Variants in MSRA observed in about 807,000 individuals in gnomAD.
MSRA encodes the protein methionine sulfoxide reductase A, also known as mitochondrial peptide methionine sulfoxide reductase.
In MSRA, 54 loss-of-function variants were observed where a neutral mutation model predicts 31.3. That is an observed-to-expected ratio of 1.73 (90% confidence interval 1.39 to 2.17). MSRA has a LOEUF of 2.17. Among genes scored for constraint, MSRA ranks in the 30% most tolerant of loss-of-function variants. The pLI, the probability that MSRA is intolerant of heterozygous loss-of-function variation, is 0.00. For missense variants in MSRA, 507 were observed against 300.9 expected, an observed-to-expected ratio of 1.69 and a Z score of -5.07; for synonymous variants, 169 against 116.5, an observed-to-expected ratio of 1.45 and a Z score of -2.90.
intron 5 of MSRA, among the ~76,000 whole-genome samples, chr8:10,402,119 C>A (rs1021695658): frequency 6.6e-6 from 1 of 152,184 alleles, no homozygotes. Context: ...GCATTGGGTT[C>A]CCTTAGCTCT....
intron 1 of MSRA, among the ~76,000 whole-genome samples, chr8:10,119,946 C>T (rs920568213): frequency 1.3e-5 from 2 of 152,038 alleles, no homozygotes; most frequent in Non-Finnish European, 1.5e-5. Flanking sequence ...CATGCCTAGA[C>T]CCAAAAAGGG....
chr8:10,224,786 C>T (rs762344399), intron 2 of MSRA, among the ~76,000 whole-genome samples: 5 of 152,214 alleles, frequency 3.3e-5, no homozygotes, highest in Non-Finnish European at 5.9e-5. Context: ...GATTCCTGCA[C>T]TCCTTAGTCT....
chr8:10,076,457 G>A (rs1414098555), intron 1 of MSRA, among the ~76,000 whole-genome samples: 1 of 152,206 alleles, frequency 6.6e-6, no homozygotes, highest in East Asian at 1.9e-4. Flanking sequence ...TATGAAGCAG[G>A]AAGGTTGATT....
chr8:10,333,589 A>T (rs1802834999), intron 5 of MSRA, among the ~76,000 whole-genome samples: 1 of 152,196 alleles, frequency 6.6e-6, no homozygotes, highest in Non-Finnish European at 1.5e-5. Context: ...TAAACAGGAT[A>T]ATAGTGGCTA....
chr8:10,165,721 T>C (rs1805066971), intron 1 of MSRA, among the ~76,000 whole-genome samples: 1 of 152,216 alleles, frequency 6.6e-6, no homozygotes, highest in Non-Finnish European at 1.5e-5. Flanking sequence ...ACATTGTAGC[T>C]GGAATCTGAG....
rs75122176 is a variant in MSRA, at chr8:10,155,408, G to C, written c.143-52425G>C. On this transcript the variant is annotated intron_variant, in intron 1 of 5. Coordinates refer to ENST00000317173, the MANE Select transcript of MSRA (RefSeq NM_012331.5). ...CCACGCTCTCTCTCTCACTGTTGTG[G>C]TTGTATCAACTGAAGAGCCTAGAAG... 2.6e-3 allele frequency among the ~76,000 whole-genome samples: 394 copies of C among 152,258 alleles called. 1 individual carries two copies. The highest frequency in any genetic ancestry group is 9.0e-3 in the African/African-American group (374 of 41,556).
At chr8:10,174,086 G>C (rs1054600043) in intron 1 of MSRA, among the ~76,000 whole-genome samples, 5 of 152,208 alleles carry the variant, frequency 3.3e-5, no homozygotes, top group African/African-American at 9.6e-5. Flanking sequence ...GCAGAGGTTA[G>C]GGAATGTGCC....
chr8:10,175,351 G>A (rs556407455), intron 1 of MSRA, among the ~76,000 whole-genome samples: 4 of 152,210 alleles, frequency 2.6e-5, no homozygotes, highest in South Asian at 2.1e-4. Context: ...TCTTATCTCC[G>A]CAATTGGAAC....
intron 5 of MSRA, among the ~76,000 whole-genome samples, chr8:10,344,497 C>T (rs1376557212): frequency 6.9e-6 from 1 of 144,748 alleles, no homozygotes; most frequent in Non-Finnish European, 1.5e-5. Flanking sequence ...TCGCTTGAAC[C>T]TGGGAGGCGG....
intron 1 of MSRA, among the ~76,000 whole-genome samples, chr8:10,108,580 T>C (rs1158490513): frequency 6.6e-6 from 1 of 152,212 alleles, no homozygotes; most frequent in Non-Finnish European, 1.5e-5. Context: ...TGTCATATTA[T>C]TCATGCCCTC....
intron 1 of MSRA, among the ~76,000 whole-genome samples, chr8:10,139,564 C>G (rs531575951): frequency 1.3e-5 from 2 of 152,306 alleles, no homozygotes; most frequent in South Asian, 4.1e-4. Flanking sequence ...TTTACACTCT[C>G]TATGTCCATG....
chr8:10,054,522 C>G lies in MSRA; in HGVS notation c.6C>G (p.Leu2=), dbSNP rs992588425. 3 of 1,582,388 alleles carry G rather than the reference C, an allele frequency of 1.9e-6. No individual in the cohort carries two copies. In the African/African-American group the frequency reaches 4.2e-5, roughly 22 times the overall value. ...CCTTCGGCTGGCGCCCTCCCATGCT[C>G]TCGGCCACCCGGAGGGCTTGCCAGC... M[L]SATRRACQLL... is the part of the protein sequence containing the mutation. The change falls in exon 1 of 6, where the codon CTC becomes CTG. Residue 2 remains leucine, a synonymous_variant. Coordinates refer to ENST00000317173, the MANE Select transcript of MSRA (RefSeq NM_012331.5).
At chr8:10,422,656 C>T (rs959970881) in intron 5 of MSRA, among the ~76,000 whole-genome samples, 3 of 152,080 alleles carry the variant, frequency 2.0e-5, no homozygotes, top group African/African-American at 7.2e-5. Flanking sequence ...GAAAAGTTGC[C>T]GGGAGCTAGG....
intron 5 of MSRA, among the ~76,000 whole-genome samples, chr8:10,396,309 A>G (rs1807095798): frequency 6.6e-6 from 1 of 151,982 alleles, no homozygotes; most frequent in Admixed American, 6.6e-5. Context: ...CTTCTTTTTT[A>G]TTTACACACT....
rs754778002 is a variant in MSRA at position 10,354,750 on chromosome 8, G to GTATA, written c.543+34786_543+34789dup. ...TTATGTAATATGTGTGTGTGTGTGTGTATATATATATATATATATATATAT... is the reference window on the plus strand; with the variant it reads ...TTATGTAATATGTGTGTGTGTGTGTGTATATATATATATATATATATATATATAT... On this transcript the variant is annotated intron_variant, in intron 5 of 5. Coordinates refer to ENST00000317173, the MANE Select transcript of MSRA (RefSeq NM_012331.5). Among the ~76,000 whole-genome samples, 889 of 138,366 alleles carry GTATA rather than the reference G, an allele frequency of 6.4e-3. 6 individuals carry two copies. The highest frequency in any genetic ancestry group is 0.03 in the Middle Eastern group (8 of 266). 90.8% of individuals were successfully genotyped at this position (138,366 alleles called of 152,430 possible).
chr8:10,424,660 C>G (rs147998832), intron 5 of MSRA, among the ~76,000 whole-genome samples: 1 of 141,314 alleles, frequency 7.1e-6, no homozygotes, highest in East Asian at 2.2e-4. Context: ...CTAAACTGGA[C>G]GGGGAGAAGG....
intron 5 of MSRA, chr8:10,411,653 A>G (rs892355581): frequency 6.6e-6 from 1 of 152,268 alleles, no homozygotes; most frequent in Non-Finnish European, 1.5e-5. Context: ...AGAAAGTCTC[A>G]AGGGAGCTTT....
chr8:10,382,205 T>A (rs1187812581), intron 5 of MSRA, among the ~76,000 whole-genome samples: 1 of 152,212 alleles, frequency 6.6e-6, no homozygotes, highest in Non-Finnish European at 1.5e-5. Context: ...CAGATGAGGC[T>A]GCTGGCTTCC....
intron 5 of MSRA, among the ~76,000 whole-genome samples, chr8:10,402,011 T>C (rs1189460387): frequency 1.3e-5 from 2 of 152,210 alleles, no homozygotes; most frequent in African/African-American, 4.8e-5. Context: ...ACTTAATGCA[T>C]TTAATTGTAT....
Sources: gnomAD v4.1 joint callset for allele counts (sites outside exome capture counted in the v4.1 genomes callset) on GRCh38, gnomAD v4.1.1 for gene constraint, MANE v1.5 for transcripts, NCBI Gene and HGNC (gene_info 2026-07-23, HGNC 2026-07-21) for gene names.